The following NEK1 variants were observed in gnomAD, a reference collection of about 807,000 sequenced individuals.
The protein encoded by NEK1 is serine/threonine-protein kinase Nek1.
A neutral mutation model predicts 182.1 loss-of-function variants in NEK1; 137 were observed. The observed-to-expected ratio is 0.75, with a 90% CI of 0.65 to 0.87. The LOEUF (loss-of-function observed/expected upper bound fraction) is 0.87. Ranked by LOEUF, NEK1 falls within the 40% of genes least tolerant of loss-of-function variation. The probability of loss-of-function intolerance (pLI) is 0.00; values close to 1 mark genes in which losing one functional copy is unlikely to be tolerated. For missense variants in NEK1, 1,391 were observed against 1,494.4 expected (o/e 0.93, Z 1.14); for synonymous variants, 513 against 492.2 (o/e 1.04, Z -0.56).
intron 18 of NEK1, among the ~76,000 whole-genome samples, chr4:169,539,963 C>T (rs1759144941): frequency 1.3e-5 from 2 of 152,252 alleles, no homozygotes; most frequent in South Asian, 4.1e-4. Flanking sequence ...AAATTGTTTA[C>T]TAAGAACCTG....
intron 31 of NEK1, among the ~76,000 whole-genome samples, chr4:169,407,160 TCTCA>T (rs1732789570): frequency 6.6e-6 from 1 of 152,160 alleles, no homozygotes; most frequent in African/African-American, 2.4e-5. Flanking sequence ...GTTTTCTCCT[TCTCA>T]CTCACGACCC....
At chr4:169,421,378 T>A (rs1044335852) in intron 31 of NEK1, among the ~76,000 whole-genome samples, 1 of 152,174 alleles carries the variant, frequency 6.6e-6, no homozygotes, top group Non-Finnish European at 1.5e-5. Context: ...AAAACTGACA[T>A]AACTGAAAGA....
intron 23 of NEK1, among the ~76,000 whole-genome samples, chr4:169,505,454 T>G (rs928820198): frequency 6.6e-6 from 1 of 152,250 alleles, no homozygotes; most frequent in Non-Finnish European, 1.5e-5. Context: ...TCCTTTAGCT[T>G]TGTTGTAAGA....
rs531021984 is a variant in NEK1 at position 169,480,869 on chromosome 4, T to C, written c.2008-1335A>G. On this transcript the variant is annotated intron_variant, in intron 23 of 35. Transcript: ENST00000507142. Reference sequence around the variant, plus strand: ...CTGGGATTACAAGCGTAAGCCACTGTGCCCAGCCCATGAAAATATTTATCT... The same window carrying C: ...CTGGGATTACAAGCGTAAGCCACTGCGCCCAGCCCATGAAAATATTTATCT... Among the ~76,000 whole-genome samples the C allele has an allele frequency of 2.0e-5, 3 of 152,316 alleles. No homozygotes were observed. The South Asian group carries it at 6.2e-4, about 32-fold the overall frequency.
At chr4:169,399,372 T>C (rs1731250988) in intron 35 of NEK1, among the ~76,000 whole-genome samples, 1 of 151,398 alleles carries the variant, frequency 6.6e-6, no homozygotes, top group Non-Finnish European at 1.5e-5. Flanking sequence ...AGATCAGGAG[T>C]TCAAGACCAG....
intron 18 of NEK1, among the ~76,000 whole-genome samples, chr4:169,548,038 G>A (rs1437867138): frequency 6.6e-6 from 1 of 152,164 alleles, no homozygotes; most frequent in Non-Finnish European, 1.5e-5. Flanking sequence ...TGATCCTTTG[G>A]AGGAGAAGAG....
chr4:169,494,100 C>T (rs1041626181), intron 23 of NEK1, among the ~76,000 whole-genome samples: 2 of 142,432 alleles, frequency 1.4e-5, no homozygotes, highest in Admixed American at 7.0e-5. Flanking sequence ...GGATTTCTTT[C>T]TTTTTTTTTT....
In NEK1 at chr4:169,556,054, A is replaced by C; in HGVS notation, c.1308T>G (p.Ser436=). The change falls in exon 17 of 36, where the codon TCT becomes TCG. Residue 436 remains serine (S), a synonymous_variant. Transcript: ENST00000507142. The part of the protein sequence containing the change: ...LGSGGTIAPS[S]FSSRGQYEHY... ...GTTCATACTGTCCTCGAGAAGAAAAAGATGATGGAGCTATAGTCCCTCCAC... is the reference window on the plus strand; with the variant it reads ...GTTCATACTGTCCTCGAGAAGAAAACGATGATGGAGCTATAGTCCCTCCAC... The C allele has an allele frequency of 6.2e-7, 1 of 1,613,548 alleles. No individual in the cohort carries two copies. The highest frequency in any genetic ancestry group is 8.5e-7 in the Non-Finnish European group (1 of 1,179,678).
intron 23 of NEK1, among the ~76,000 whole-genome samples, chr4:169,491,518 T>C (rs1750088496): frequency 6.6e-6 from 1 of 152,062 alleles, no homozygotes; most frequent in African/African-American, 2.4e-5. Context: ...AGAAAAGCTG[T>C]TTTTCAGAAA....
rs146148853 is a variant in NEK1 at position 169,496,020 on chromosome 4, T to C, written c.2007+11017A>G. On this transcript the variant is annotated intron_variant, in intron 23 of 35. Transcript: ENST00000507142. ...GTAGGGCCATTTTCACGATACTGAT[T>C]CTTCCCACCCATGAGCATGGAATAT... Among the ~76,000 whole-genome samples, 623 of 152,356 alleles carry C rather than the reference T, an allele frequency of 4.1e-3. 3 individuals are homozygous for C. Among genetic ancestry groups the C allele is most frequent in the African/African-American group, 0.014 (579 of 41,580 alleles).
chr4:169,438,125 C>A lies in NEK1; in HGVS notation c.2722G>T (p.Ala908Ser), dbSNP rs1738765310. ...VETKSPEFSEASPQMSLKLEG... is the reference protein window; with the variant it reads ...VETKSPEFSESSPQMSLKLEG... ...AGTTTCAATGACATCTGTGGAGATG[C>A]CTCACTGAACTCGGGACTTTTTGTC... Residue 908 changes from alanine (A) to serine (S), a missense_variant, in exon 28 of 36, where the codon GCA (alanine) becomes TCA (serine). By Grantham distance (99) the Ala-to-Ser change is moderately conservative (BLOSUM62 1). Around this residue, in one of 5 missense-constraint regions of NEK1, gnomAD observed 1,216 missense variants for 1,277.6 expected, o/e 0.95. Coordinates refer to ENST00000507142, the MANE Select transcript of NEK1 (RefSeq NM_001199397.3). 1 of 1,612,072 alleles carries A rather than the reference C, an allele frequency of 6.2e-7. No homozygotes were observed. The highest frequency in any genetic ancestry group is 1.7e-5 in the Admixed American group (1 of 59,824).
At chr4:169,426,904 G>C (rs925074638) in intron 29 of NEK1, among the ~76,000 whole-genome samples, 1 of 151,934 alleles carries the variant, frequency 6.6e-6, no homozygotes, top group Non-Finnish European at 1.5e-5. Context: ...AACCCTCAAA[G>C]GGAGGGGATT....
intron 19 of NEK1, among the ~76,000 whole-genome samples, chr4:169,514,894 GCT>G (rs1437039336): frequency 2.6e-5 from 4 of 151,846 alleles, no homozygotes; most frequent in Middle Eastern, 3.4e-3. Context: ...GGAATATTTT[GCT>G]CTTTTTTTTC....
chr4:169,566,895 G>C (rs552260908), intron 12 of NEK1, among the ~76,000 whole-genome samples: 3 of 152,202 alleles, frequency 2.0e-5, no homozygotes, highest in African/African-American at 7.2e-5. Flanking sequence ...CTTGAGCCCA[G>C]GAGTTTGACA....
intron 19 of NEK1, among the ~76,000 whole-genome samples, chr4:169,529,684 T>C (rs1252116272): frequency 6.6e-6 from 1 of 152,172 alleles, no homozygotes; most frequent in Non-Finnish European, 1.5e-5. Context: ...TTATCCAATA[T>C]AAGACTTGTA....
intron 27 of NEK1, among the ~76,000 whole-genome samples, chr4:169,441,469 C>T (rs958040707): frequency 1.3e-5 from 2 of 152,254 alleles, no homozygotes; most frequent in Non-Finnish European, 2.9e-5. Flanking sequence ...CCTGCACACA[C>T]AGTCAGGGGG....
intron 18 of NEK1, among the ~76,000 whole-genome samples, chr4:169,544,321 T>G (rs1375970124): frequency 1.3e-5 from 2 of 152,212 alleles, no homozygotes; most frequent in African/African-American, 4.8e-5. Flanking sequence ...TGAAGCCAAC[T>G]TGATCATGGT....
At chr4:169,557,814 C>T (rs1360241330) in intron 16 of NEK1, among the ~76,000 whole-genome samples, 1 of 152,032 alleles carries the variant, frequency 6.6e-6, no homozygotes, top group Non-Finnish European at 1.5e-5. Flanking sequence ...GTCTGTAGTC[C>T]CAGCTACTCA....
intron 27 of NEK1, among the ~76,000 whole-genome samples, chr4:169,450,778 T>C (rs1033030451): frequency 1.3e-5 from 2 of 152,152 alleles, no homozygotes; most frequent in Admixed American, 6.5e-5. Flanking sequence ...GTGAACATCA[T>C]AATGACAGGA....
Sources: allele counts gnomAD v4.1 joint callset (sites outside exome capture counted in the v4.1 genomes callset), GRCh38; gene constraint gnomAD v4.1.1; regional missense constraint gnomAD v4.1.1; transcripts MANE v1.5; gene names NCBI Gene and HGNC (gene_info 2026-07-23, HGNC 2026-07-21).